The following ARID1B variants were observed in gnomAD, a reference collection of about 807,000 sequenced individuals.
The protein encoded by ARID1B is AT-rich interaction domain 1B.
In ARID1B, 30 loss-of-function variants were observed where a neutral mutation model predicts 212.3. That is an observed-to-expected ratio of 0.14 (90% CI 0.11 to 0.19). ARID1B has a LOEUF of 0.19. Ranked by LOEUF, ARID1B falls within the 10% of genes least tolerant of loss-of-function variation. The probability of loss-of-function intolerance (pLI) is 1.00; values close to 1 mark genes in which losing one functional copy is unlikely to be tolerated. For synonymous variants in ARID1B, 1,402 were observed against 1,301.7 expected (o/e 1.08, Z -1.66); for missense variants, 2,891 against 3,204.0 (o/e 0.90, Z 2.36).
chr6:157,050,316 C>T (rs1038809616), intron 4 of ARID1B, among the ~76,000 whole-genome samples: 1 of 152,094 alleles, frequency 6.6e-6, no homozygotes, highest in Non-Finnish European at 1.5e-5. Flanking sequence ...GAGGCCGAGG[C>T]GGGTGGGTCA....
chr6:157,120,344 C>A (rs1486404053), intron 6 of ARID1B, among the ~76,000 whole-genome samples: 1 of 152,148 alleles, frequency 6.6e-6, no homozygotes, highest in African/African-American at 2.4e-5. Context: ...TGGATGGGGA[C>A]AGCTTAGAGG....
Position 156,926,663 on chromosome 6 carries a change from T to C in ARID1B, c.2137-8803T>C, listed in dbSNP as rs1791241293. On this transcript the variant is annotated intron_variant, in intron 3 of 19. Transcript: ENST00000636930. ...TCTCATCCCCGTATCCCCTGTCCCT[T>C]TTATTATTTTGAAGTAAATTCCAGA... Among the ~76,000 whole-genome samples the C allele has an allele frequency of 2.0e-5, 3 of 152,056 alleles. No homozygotes were observed. In the South Asian group the frequency reaches 6.2e-4, roughly 32 times the overall value.
In ARID1B at chr6:157,110,487, C is replaced by T. The variant is rs754080772; in HGVS notation, c.2507C>T (p.Pro836Leu). 74 of 1,613,952 alleles carry T rather than the reference C, an allele frequency of 4.6e-5. No individual in the cohort carries two copies. Among genetic ancestry groups the T allele is most frequent in the Admixed American group, 3.0e-4 (18 of 59,982 alleles). ...PASIPGSQMP[P>L]QPPGSQSESS... is the part of the protein sequence containing the mutation. Reference sequence around the variant, plus strand: ...TGTTTTACAGGTAGTCAGATGCCTCCGCAGCCACCCGGGAGCCAGTCAGAA... The same window carrying T: ...TGTTTTACAGGTAGTCAGATGCCTCTGCAGCCACCCGGGAGCCAGTCAGAA... Residue 836 changes from proline to leucine, a missense_variant, in exon 6 of 20, where the codon CCG (proline) becomes CTG (leucine). Pro to Leu is a moderately conservative substitution (Grantham distance 98). Around this residue, in one of 7 missense-constraint regions of ARID1B, gnomAD observed 1,643 missense variants for 1,544.0 expected, o/e 1.06. Coordinates refer to ENST00000636930, the MANE Select transcript of ARID1B (RefSeq NM_001374828.1).
chr6:157,061,296 GGA>G (rs1783327251), intron 4 of ARID1B, among the ~76,000 whole-genome samples: 1 of 152,102 alleles, frequency 6.6e-6, no homozygotes, highest in South Asian at 2.1e-4. Flanking sequence ...ATTTTAAATG[GGA>G]GCAATAATAG....
chr6:157,121,110 C>T (rs977375339), intron 6 of ARID1B, among the ~76,000 whole-genome samples: 1 of 152,174 alleles, frequency 6.6e-6, no homozygotes, highest in Admixed American at 6.5e-5. Context: ...AAACAAGATC[C>T]ATGTTAAAAT....
intron 9 of ARID1B, chr6:157,173,747 A>T (rs1194422418): frequency 5.5e-5 from 17 of 310,686 alleles, no homozygotes; most frequent in Non-Finnish European, 9.4e-5. Context: ...AATAATATTG[A>T]TATAAGTTGA....
At chr6:157,178,450 A>G (rs1011092581) in intron 11 of ARID1B, among the ~76,000 whole-genome samples, 1 of 152,198 alleles carries the variant, frequency 6.6e-6, no homozygotes, top group Non-Finnish European at 1.5e-5. Context: ...GTCGTGCTGC[A>G]AAGGAAAAGT....
intron 4 of ARID1B, among the ~76,000 whole-genome samples, chr6:157,007,629 T>C (rs1275707742): frequency 6.6e-6 from 1 of 152,128 alleles, no homozygotes; most frequent in African/African-American, 2.4e-5. Flanking sequence ...CAGAGAGTTG[T>C]TGTAAGAAGA....
chr6:156,839,743 C>T (rs933211365), intron 2 of ARID1B, among the ~76,000 whole-genome samples: 3 of 152,200 alleles, frequency 2.0e-5, no homozygotes, highest in African/African-American at 7.2e-5. Flanking sequence ...TGCACATACG[C>T]AGCAGGCCGT....
chr6:156,788,874 A>G (rs1779830369), intron 1 of ARID1B, among the ~76,000 whole-genome samples: 1 of 152,212 alleles, frequency 6.6e-6, no homozygotes, highest in Non-Finnish European at 1.5e-5. Flanking sequence ...ATACTTACTG[A>G]GCACCACTTG....
chr6:156,837,191 T>C (rs1341223149), intron 2 of ARID1B, among the ~76,000 whole-genome samples: 9 of 152,248 alleles, frequency 5.9e-5, no homozygotes, highest in Non-Finnish European at 1.3e-4. Flanking sequence ...ATGTAAGTCT[T>C]TGTTCTGCAA....
intron 4 of ARID1B, among the ~76,000 whole-genome samples, chr6:156,984,496 G>A (rs1777803969): frequency 6.6e-6 from 1 of 152,106 alleles, no homozygotes; most frequent in African/African-American, 2.4e-5. Flanking sequence ...AGTTGATAGT[G>A]AAATGTGAAG....
intron 3 of ARID1B, among the ~76,000 whole-genome samples, chr6:156,906,929 T>C (rs1198149443): frequency 6.6e-6 from 1 of 152,236 alleles, no homozygotes; most frequent in Non-Finnish European, 1.5e-5. Flanking sequence ...TTTCTCATTG[T>C]TACTGGTGTA....
intron 19 of ARID1B, 196 bp downstream of exon 19, chr6:157,204,192 A>C: frequency 1.6e-6 from 1 of 617,678 alleles, no homozygotes; most frequent in Non-Finnish European, 2.8e-6. Flanking sequence ...TAGTGTGTGT[A>C]CACACACATA....
rs755793592 is a variant in ARID1B at position 157,206,683 on chromosome 6, C to G, written c.5911C>G (p.Pro1971Ala). 2 of 1,612,772 alleles carry G rather than the reference C, an allele frequency of 1.2e-6. No individual in the cohort carries two copies. Among genetic ancestry groups the G allele is most frequent in the Non-Finnish European group, 8.5e-7 (1 of 1,179,984 alleles). ...AATTCCTCCTCGCAGGCGCCCACCTCCCCCCTTAAGCTCCGCAGGTAGAAA... is the reference window on the plus strand; with the variant it reads ...AATTCCTCCTCGCAGGCGCCCACCTGCCCCCTTAAGCTCCGCAGGTAGAAA... The part of the protein sequence containing the change: ...MEIPPRRRPP[P>A]PLSSAGRKKE... The change falls in exon 20 of 20, where the codon CCC (proline) becomes GCC (alanine). Residue 1971 changes from proline (P) to alanine (A), a missense_variant. By Grantham distance (27) the Pro-to-Ala change is conservative. This residue lies in a region of ARID1B where 332 missense variants were observed against 369.2 expected (regional missense o/e 0.90). Coordinates refer to ENST00000636930, the MANE Select transcript of ARID1B (RefSeq NM_001374828.1). The surrounding 1 kb of genome is among the most constrained non-coding windows in gnomAD (Gnocchi z 6.8).
At chr6:156,841,954 A>T (rs912892331) in intron 2 of ARID1B, among the ~76,000 whole-genome samples, 1 of 152,200 alleles carries the variant, frequency 6.6e-6, no homozygotes, top group Non-Finnish European at 1.5e-5. Flanking sequence ...TGTAACTGAC[A>T]CTGGAGTTCC....
intron 2 of ARID1B, among the ~76,000 whole-genome samples, chr6:156,858,247 G>A (rs1785087641): frequency 6.6e-6 from 1 of 152,078 alleles, no homozygotes. Flanking sequence ...GATGGGAGGG[G>A]GGATAAAGAG....
chr6:157,165,053 A>G lies in ARID1B; in HGVS notation c.3090-1987A>G, dbSNP rs140559935. 1.7e-3 allele frequency among the ~76,000 whole-genome samples: 258 copies of G among 152,336 alleles called. 1 individual carries two copies. Among genetic ancestry groups the G allele is most frequent in the African/African-American group, 5.9e-3 (244 of 41,588 alleles). On this transcript the variant is annotated intron_variant, in intron 8 of 19. Coordinates refer to ENST00000636930, the MANE Select transcript of ARID1B (RefSeq NM_001374828.1). Reference sequence around the variant, plus strand: ...TTGTCCCTTGTTTGAAGAACACCTCAGAAGGGATACTTCTAAGGTACTTGA... The same window carrying G: ...TTGTCCCTTGTTTGAAGAACACCTCGGAAGGGATACTTCTAAGGTACTTGA...
At chr6:157,163,809 T>G (rs139899463) in intron 8 of ARID1B, among the ~76,000 whole-genome samples, 10 of 152,232 alleles carry the variant, frequency 6.6e-5, no homozygotes, top group Non-Finnish European at 1.0e-4. Context: ...AAAGGCATGG[T>G]GCAGCAGGCT....
Sources: gnomAD v4.1 joint callset for allele counts (sites outside exome capture counted in the v4.1 genomes callset) on GRCh38, gnomAD v4.1.1 for gene constraint, gnomAD v4.1.1 regional missense constraint, Gnocchi (gnomAD v3.1) non-coding constraint, MANE v1.5 for transcripts, NCBI Gene and HGNC (gene_info 2026-07-23, HGNC 2026-07-21) for gene names.